The following BAZ1A variants were observed in gnomAD, a reference collection of about 807,000 sequenced individuals.
The protein encoded by BAZ1A is bromodomain adjacent to zinc finger domain protein 1A.
BAZ1A carries 50 observed loss-of-function variants against 185.2 expected under a neutral mutation model. The ratio of observed to expected loss-of-function variants is 0.27; its 90% CI spans 0.22 to 0.34. The LOEUF (loss-of-function observed/expected upper bound fraction) is 0.34, where lower values mean the gene tolerates loss of function less well. Ranked by LOEUF, BAZ1A falls within the 10% of genes least tolerant of loss-of-function variation. The pLI, the probability that BAZ1A is intolerant of heterozygous loss-of-function variation, is 1.00. For synonymous variants in BAZ1A, 571 were observed against 615.6 expected, an observed-to-expected ratio of 0.93 and a Z score of 1.07; for missense variants, 1,356 against 1,839.9, an observed-to-expected ratio of 0.74 and a Z score of 4.81.
At position 34,773,586 on chromosome 14, in the gene BAZ1A, G is replaced by A. The variant is rs765061968; in HGVS notation, c.3138C>T (p.Val1046=). 2.1e-5 allele frequency: 34 copies of A among 1,600,874 alleles called. No homozygotes were observed. The highest frequency in any genetic ancestry group is 1.9e-5 in the Non-Finnish European group (22 of 1,175,222). ...TCTTTTTGTACCTGTCTTTTACTATGACCTTTGTTTGTTCATCAATTTCCA... is the reference window on the plus strand; with the variant it reads ...TCTTTTTGTACCTGTCTTTTACTATAACCTTTGTTTGTTCATCAATTTCCA... ...EEMEIDEQTK[V]IVKDRLLGIK... is the part of the protein sequence containing the mutation. Residue 1046 remains valine, a synonymous_variant, in exon 20 of 27, where the codon GTC becomes GTT. Transcript: ENST00000360310.
chr14:34,804,305 G>A (rs969589499), intron 6 of BAZ1A, among the ~76,000 whole-genome samples: 16 of 152,182 alleles, frequency 1.1e-4, no homozygotes, highest in African/African-American at 3.1e-4. Context: ...ACTGCGCCCA[G>A]TCTTGCTTAC....
intron 25 of BAZ1A, among the ~76,000 whole-genome samples, chr14:34,756,157 A>G (rs1410638662): frequency 7.4e-6 from 1 of 135,796 alleles, no homozygotes; most frequent in Non-Finnish European, 1.5e-5. Flanking sequence ...TCTGTCACCC[A>G]GGCTGGAGTG....
In BAZ1A at chr14:34,825,944, A is replaced by AG. The variant is rs1356726205; in HGVS notation, c.536+68_536+69insC. On this transcript the variant is annotated intron_variant, in intron 4 of 26. Transcript: ENST00000360310. ...AAGAGTGAAACTCTATCTCAAAAAA[A>AG]AAGTTATTTCAATGGAATATCATTA... 2.8e-6 allele frequency: 4 copies of AG among 1,424,394 alleles called. No homozygotes were observed. The East Asian group carries it at 1.0e-4, about 37-fold the overall frequency. 88.2% of individuals were successfully genotyped at this position (1,424,394 alleles called of 1,614,324 possible).
At chr14:34,784,711 G>A (rs1880316574) in intron 14 of BAZ1A, among the ~76,000 whole-genome samples, 1 of 151,546 alleles carries the variant, frequency 6.6e-6, no homozygotes, top group Non-Finnish European at 1.5e-5. Flanking sequence ...GTAGAGACGG[G>A]GTTTCACTGT....
intron 21 of BAZ1A, among the ~76,000 whole-genome samples, chr14:34,770,609 A>G (rs1254693928): frequency 2.0e-5 from 3 of 152,236 alleles, no homozygotes; most frequent in African/African-American, 7.2e-5. Context: ...CAAAAAAACA[A>G]CAGGGAATTA....
At chr14:34,770,553 C>A (rs1461707080) in intron 21 of BAZ1A, among the ~76,000 whole-genome samples, 1 of 152,102 alleles carries the variant, frequency 6.6e-6, no homozygotes, top group Admixed American at 6.5e-5. Flanking sequence ...GATCCCATTA[C>A]AAGAATATAA....
rs1011236829 is a variant in BAZ1A, at chr14:34,771,614, A to G, written c.3198T>C (p.Asn1066=). ...TGCTCACTGATTGTGGTGTACTTGC[A>G]TTTGTTGATACAGTACTTGGAGTTT... ...KTETPSTVST[N]ASTPQSVSSV... The change falls in exon 21 of 27, where the codon AAT becomes AAC. Residue 1066 remains asparagine (N), a synonymous_variant. Coordinates refer to ENST00000360310, the MANE Select transcript of BAZ1A (RefSeq NM_013448.3). 6.8e-6 allele frequency: 11 copies of G among 1,614,126 alleles called. No homozygotes were observed. The highest frequency in any genetic ancestry group is 9.3e-6 in the Non-Finnish European group (11 of 1,180,006).
chr14:34,783,177 T>C lies in BAZ1A; in HGVS notation c.2053A>G (p.Lys685Glu). Residue 685 changes from lysine to glutamate, a missense_variant, in exon 16 of 27, where the codon AAA becomes GAA. Lys to Glu is a moderately conservative substitution (Grantham distance 56). Transcript: ENST00000360310. ...LKEQEQKMKE[K>E]QEKLKEDEQR... The stretch of plus-strand genomic sequence containing the variant: ...TCATCTTCTTTCAGTTTTTCTTGTT[T>C]CTCTTTCATTTTTTGTTCTTGCTCC... 2 of 1,603,490 alleles carry C rather than the reference T, an allele frequency of 1.2e-6. No homozygotes were observed. Among genetic ancestry groups the C allele is most frequent in the Non-Finnish European group, 1.7e-6 (2 of 1,173,740 alleles).
intron 3 of BAZ1A, among the ~76,000 whole-genome samples, chr14:34,835,253 G>A (rs1312618458): frequency 6.6e-6 from 1 of 151,798 alleles, no homozygotes; most frequent in African/African-American, 2.4e-5. Context: ...GTAGAGATAG[G>A]GTTTCACTAT....
chr14:34,819,140 CAAAAAAAAA>C (rs71121223), intron 4 of BAZ1A, among the ~76,000 whole-genome samples: 1 of 72,754 alleles, frequency 1.4e-5, no homozygotes, highest in South Asian at 6.0e-4. Context: ...GACTCTGTCT[CAAAAAAAAA>C]AAAAAAAAAA....
intron 3 of BAZ1A, among the ~76,000 whole-genome samples, chr14:34,851,623 C>T (rs867474498): frequency 1.9e-4 from 29 of 151,870 alleles, no homozygotes; most frequent in African/African-American, 2.7e-4. Flanking sequence ...ATTCTTCCAG[C>T]GTTTCGTTAA....
chr14:34,777,798 C>T (rs1879746479), intron 17 of BAZ1A, among the ~76,000 whole-genome samples: 1 of 152,034 alleles, frequency 6.6e-6, no homozygotes, highest in Non-Finnish European at 1.5e-5. Flanking sequence ...TTGAAACCAG[C>T]CTGGCCAACA....
intron 12 of BAZ1A, among the ~76,000 whole-genome samples, chr14:34,788,762 C>T (rs1447565590): frequency 6.6e-6 from 1 of 152,158 alleles, no homozygotes; most frequent in Non-Finnish European, 1.5e-5. Flanking sequence ...TCCAACTCTC[C>T]TGCAGTGGCA....
intron 17 of BAZ1A, among the ~76,000 whole-genome samples, chr14:34,779,554 A>G (rs1263581834): frequency 6.6e-6 from 1 of 152,186 alleles, no homozygotes; most frequent in Non-Finnish European, 1.5e-5. Context: ...TAAAAAAAAT[A>G]CAGAAAAAAA....
At chr14:34,800,990 C>T (rs1186239628) in intron 8 of BAZ1A, 104 bp downstream of exon 8, 6 of 781,100 alleles carry the variant, frequency 7.7e-6, no homozygotes, top group South Asian at 2.0e-5. Context: ...CACTTCAAAA[C>T]AATTAACCAG....
At chr14:34,775,860 A>G (rs1879564489) in intron 18 of BAZ1A, 59 bp downstream of exon 18, 2 of 1,383,010 alleles carry the variant, frequency 1.4e-6, no homozygotes, top group East Asian at 4.6e-5. Context: ...CTTAATCCTG[A>G]ATGACCAGAG....
intron 3 of BAZ1A, among the ~76,000 whole-genome samples, chr14:34,850,578 T>C (rs76704364): frequency 0.063 from 9,635 of 152,272 alleles, 415 homozygotes; most frequent in Non-Finnish European, 0.098. Context: ...AGCTTACTTT[T>C]ATGTCTAAAG....
chr14:34,856,348 G>A (rs529577067), intron 3 of BAZ1A, among the ~76,000 whole-genome samples: 72 of 13,708 alleles, frequency 5.3e-3, no homozygotes, highest in East Asian at 0.33. Flanking sequence ...GCACAGTGGC[G>A]CAATATAGCT....
intron 12 of BAZ1A, 176 bp from the exon 13 acceptor site, chr14:34,786,397 A>T (rs932028640): frequency 1.8e-6 from 1 of 568,516 alleles, no homozygotes; most frequent in African/African-American, 1.9e-5. Flanking sequence ...TACAGCTATA[A>T]ATCCTAAACC....
Sources: allele counts gnomAD v4.1 joint callset (sites outside exome capture counted in the v4.1 genomes callset), GRCh38; gene constraint gnomAD v4.1.1; transcripts MANE v1.5; gene names NCBI Gene and HGNC (gene_info 2026-07-23, HGNC 2026-07-21).